Variants in CHRNB3 observed in about 807,000 individuals in gnomAD.
CHRNB3 encodes cholinergic receptor nicotinic beta 3 subunit.
CHRNB3 carries 37 observed loss-of-function variants against 40.6 expected under a neutral mutation model. That is an observed-to-expected ratio of 0.91 (90% confidence interval 0.70 to 1.20). CHRNB3 has a LOEUF of 1.20. Ranked by LOEUF, CHRNB3 falls within the 50% of genes most tolerant of loss-of-function variation. The pLI is 0.00. For synonymous variants in CHRNB3, 207 were observed against 207.1 expected, an observed-to-expected ratio of 1.00 and a Z score of 0.00; for missense variants, 505 against 551.2, an observed-to-expected ratio of 0.92 and a Z score of 0.84.
At chr8:42,725,803 G>T (rs1816298726) in intron 3 of CHRNB3, 1 of 873,252 alleles carries the variant, frequency 1.1e-6, no homozygotes, top group Non-Finnish European at 1.9e-6. Context: ...CTTCAGATTT[G>T]GAAATCCCTA....
intron 3 of CHRNB3, among the ~76,000 whole-genome samples, chr8:42,717,880 T>C (rs1816146273): frequency 6.8e-6 from 1 of 147,346 alleles, no homozygotes. Flanking sequence ...GGCTGGAGTA[T>C]GGAGTACAGT....
At chr8:42,700,786 A>G (rs1815778317) in intron 1 of CHRNB3, among the ~76,000 whole-genome samples, 1 of 152,188 alleles carries the variant, frequency 6.6e-6, no homozygotes, top group South Asian at 2.1e-4. Context: ...TGGATTTAGT[A>G]TAGATCTGTG....
intron 3 of CHRNB3, among the ~76,000 whole-genome samples, chr8:42,725,089 C>CTT (rs572194650): frequency 9.5e-5 from 13 of 136,480 alleles, no homozygotes; most frequent in East Asian, 4.3e-4. Context: ...TTCTTTCTTT[C>CTT]TTTTTTTTTT....
rs1205131436 is a variant in CHRNB3, at chr8:42,703,436, ATATTTAT to A, written c.53-5280_53-5274del. Among the ~76,000 whole-genome samples, 17 of 43,438 alleles carry A rather than the reference ATATTTAT, an allele frequency of 3.9e-4. 1 individual carries two copies. Among genetic ancestry groups the A allele is most frequent in the South Asian group, 3.6e-3 (5 of 1,380 alleles). 28.5% of individuals were successfully genotyped at this position (43,438 alleles called of 152,430 possible). A position where few individuals can be genotyped will look rare whatever the true frequency, so the allele number is the denominator to read the frequency against. ...AAGACTTCGTCTAAAAAAAAAAAAA[ATATTTAT>A]ATATATATATATATATATGTATCCA... On this transcript the variant is annotated intron_variant, in intron 1 of 5. Transcript: ENST00000289957.
intron 5 of CHRNB3, 78 bp from the exon 6 acceptor site, chr8:42,736,404 ACT>A (rs1416310886): frequency 1.6e-5 from 24 of 1,498,064 alleles, no homozygotes; most frequent in Non-Finnish European, 2.0e-5. Flanking sequence ...TCTGAATGTT[ACT>A]CTTTTTTAAT....
At chr8:42,714,010 G>A (rs1242748469) in intron 3 of CHRNB3, among the ~76,000 whole-genome samples, 1 of 152,126 alleles carries the variant, frequency 6.6e-6, no homozygotes, top group African/African-American at 2.4e-5. Context: ...TCATTGCGAC[G>A]TCCATTTGCA....
chr8:42,712,442 T>C (rs981997956), intron 3 of CHRNB3, among the ~76,000 whole-genome samples: 1 of 152,182 alleles, frequency 6.6e-6, no homozygotes, highest in Admixed American at 6.5e-5. Context: ...ATCAAATGTC[T>C]CCCACCCAAC....
rs765288791 is a variant in CHRNB3 at position 42,732,555 on chromosome 8, T to C, written c.1242+6T>C. 4 of 1,576,074 alleles carry C rather than the reference T, an allele frequency of 2.5e-6. No individual in the cohort carries two copies. Among genetic ancestry groups the C allele is most frequent in the Non-Finnish European group, 3.4e-6 (4 of 1,165,334 alleles). ...AAGAACATTTTATCAGCCAGGTGAG[T>C]AAACTGGTATTCCTGATAATGCTGC... On this transcript the variant is annotated splice_donor_region_variant and intron_variant, in intron 5 of 5. Coordinates refer to ENST00000289957, the MANE Select transcript of CHRNB3 (RefSeq NM_000749.5).
At chr8:42,728,883 G>A (rs1269766851) in intron 3 of CHRNB3, among the ~76,000 whole-genome samples, 1 of 152,094 alleles carries the variant, frequency 6.6e-6, no homozygotes, top group Non-Finnish European at 1.5e-5. Flanking sequence ...AACCACAAAT[G>A]CTACTGTAAG....
At chr8:42,719,586 G>T (rs577165716) in intron 3 of CHRNB3, among the ~76,000 whole-genome samples, 84 of 152,268 alleles carry the variant, frequency 5.5e-4, no homozygotes, top group African/African-American at 1.9e-3. Context: ...GGTTGAAACT[G>T]CAATGAGCTA....
chr8:42,702,684 A>T (rs1815831475), intron 1 of CHRNB3, among the ~76,000 whole-genome samples: 1 of 151,888 alleles, frequency 6.6e-6, no homozygotes, highest in Non-Finnish European at 1.5e-5. Context: ...AATTGCTTGA[A>T]CCCGGGAAGC....
intron 4 of CHRNB3, 21 bp downstream of exon 4, chr8:42,730,724 TAC>T (rs1563615805): frequency 6.8e-7 from 1 of 1,466,546 alleles, no homozygotes; most frequent in Non-Finnish European, 9.4e-7. Context: ...CATTGTTTCT[TAC>T]TTATGGGGAA....
rs141142407 is a variant in CHRNB3 at position 42,733,948 on chromosome 8, G to A, written c.1242+1399G>A. Among the ~76,000 whole-genome samples, 754 of 149,658 alleles carry A rather than the reference G, an allele frequency of 5.0e-3. 5 individuals carry two copies. The highest frequency in any genetic ancestry group is 0.01 in the Middle Eastern group (3 of 292). ...GAATGAAAATATTATTTGACGTGCA[G>A]ATATTAAGCGTAAAAAGTGATCTGT... On this transcript the variant is annotated intron_variant, in intron 5 of 5. Transcript: ENST00000289957.
At chr8:42,720,881 C>G (rs1285332273) in intron 3 of CHRNB3, among the ~76,000 whole-genome samples, 1 of 152,256 alleles carries the variant, frequency 6.6e-6, no homozygotes, top group Non-Finnish European at 1.5e-5. Context: ...TAGTCATCCC[C>G]CATCCTCCTT....
intron 1 of CHRNB3, among the ~76,000 whole-genome samples, chr8:42,703,590 A>C (rs1024519946): frequency 6.6e-6 from 1 of 151,836 alleles, no homozygotes; most frequent in African/African-American, 2.4e-5. Flanking sequence ...TGGTCTATGC[A>C]CAACTTTCCA....
intron 1 of CHRNB3, 85 bp from the exon 2 acceptor site, chr8:42,708,632 G>T (rs1815959572): frequency 6.9e-7 from 1 of 1,455,292 alleles, no homozygotes; most frequent in African/African-American, 1.4e-5. Flanking sequence ...TGGTGCAGGA[G>T]GCCAAGGCCA....
Position 42,731,911 on chromosome 8 carries a change from G to C in CHRNB3, c.604G>C (p.Glu202Gln). The change falls in exon 5 of 6, where the codon GAA becomes CAA. Residue 202 changes from glutamate to glutamine, a missense_variant. Coordinates refer to ENST00000289957, the MANE Select transcript of CHRNB3 (RefSeq NM_000749.5). Reference protein sequence around the residue: ...RKDFFDNGEWEILNAKGMKGN... With the variant: ...RKDFFDNGEWQILNAKGMKGN... Reference sequence around the variant, plus strand: ...AGACTTCTTCGATAACGGAGAATGGGAAATACTGAACGCAAAGGGGATGAA... The same window carrying C: ...AGACTTCTTCGATAACGGAGAATGGCAAATACTGAACGCAAAGGGGATGAA... The C allele has an allele frequency of 6.2e-7, 1 of 1,614,146 alleles. No homozygotes were observed. The highest frequency in any genetic ancestry group is 8.5e-7 in the Non-Finnish European group (1 of 1,180,020).
At chr8:42,712,486 T>C (rs1319468362) in intron 3 of CHRNB3, among the ~76,000 whole-genome samples, 2 of 152,300 alleles carry the variant, frequency 1.3e-5, no homozygotes, top group East Asian at 3.9e-4. Flanking sequence ...TATCATGATT[T>C]TCAGTGCTTT....
At chr8:42,734,849 G>A (rs900844098) in intron 5 of CHRNB3, among the ~76,000 whole-genome samples, 18 of 152,298 alleles carry the variant, frequency 1.2e-4, no homozygotes, top group African/African-American at 4.3e-4. Flanking sequence ...CACTAGAAAA[G>A]TGACTGCTGC....
Sources: gnomAD v4.1 joint callset for allele counts (sites outside exome capture counted in the v4.1 genomes callset) on GRCh38, gnomAD v4.1.1 for gene constraint, MANE v1.5 for transcripts, NCBI Gene and HGNC (gene_info 2026-07-23, HGNC 2026-07-21) for gene names.